The following STK4 variants were observed in gnomAD, a reference collection of about 807,000 sequenced individuals.
STK4 encodes serine/threonine-protein kinase 4.
STK4 carries 30 observed loss-of-function variants against 64.9 expected under a neutral mutation model. That is an observed-to-expected ratio of 0.46 (90% CI 0.35 to 0.63). STK4 has a LOEUF of 0.63. STK4 is among the 20% of genes least tolerant of loss of function. The pLI is 0.01. For synonymous variants in STK4, 177 were observed against 199.0 expected, an observed-to-expected ratio of 0.89 and a Z score of 0.93; for missense variants, 466 against 598.5, an observed-to-expected ratio of 0.78 and a Z score of 2.31.
At chr20:45,063,331 C>G (rs1056504498) in intron 10 of STK4, among the ~76,000 whole-genome samples, 2 of 152,046 alleles carry the variant, frequency 1.3e-5, no homozygotes, top group African/African-American at 4.8e-5. Flanking sequence ...TTGCATTTCT[C>G]TAATGATTAA....
At chr20:44,983,874 A>G (rs1172376669) in intron 4 of STK4, among the ~76,000 whole-genome samples, 1 of 152,192 alleles carries the variant, frequency 6.6e-6, no homozygotes, top group Non-Finnish European at 1.5e-5. Flanking sequence ...TTATTCATAT[A>G]CTATCTTCTT....
At chr20:45,008,611 C>G (rs2067992226) in intron 9 of STK4, among the ~76,000 whole-genome samples, 1 of 152,158 alleles carries the variant, frequency 6.6e-6, no homozygotes, top group African/African-American at 2.4e-5. Context: ...AATTAGCAAA[C>G]TGCTTTTTAC....
At chr20:45,065,499 A>G (rs1010127066) in intron 10 of STK4, among the ~76,000 whole-genome samples, 16 of 152,156 alleles carry the variant, frequency 1.1e-4, no homozygotes, top group African/African-American at 3.9e-4. Flanking sequence ...TGGACACCTC[A>G]TAGAATAGGT....
intron 2 of STK4, among the ~76,000 whole-genome samples, chr20:44,977,195 G>T (rs1161587533): frequency 2.6e-5 from 4 of 152,184 alleles, no homozygotes; most frequent in African/African-American, 9.7e-5. Context: ...AAAGTATTTG[G>T]TGTAATATTT....
intron 10 of STK4, among the ~76,000 whole-genome samples, chr20:45,055,698 CT>C (rs1034616765): frequency 4.0e-5 from 6 of 150,300 alleles, no homozygotes; most frequent in African/African-American, 1.5e-4. Context: ...TTTTAATTAT[CT>C]TTCTTTTCTT....
chr20:45,011,050 G>A (rs1259138911), intron 9 of STK4, among the ~76,000 whole-genome samples: 2 of 152,158 alleles, frequency 1.3e-5, no homozygotes, highest in Middle Eastern at 3.2e-3. Flanking sequence ...CATGGTCCAC[G>A]TTACTTGGAA....
chr20:45,045,412 A>C (rs1312950510), intron 10 of STK4, among the ~76,000 whole-genome samples: 1 of 152,196 alleles, frequency 6.6e-6, no homozygotes, highest in African/African-American at 2.4e-5. Context: ...GCGTTAATTC[A>C]TAAGTGTGTG....
chr20:45,072,202 AAC>A (rs1337205155), intron 10 of STK4, among the ~76,000 whole-genome samples: 1 of 152,210 alleles, frequency 6.6e-6, no homozygotes, highest in Non-Finnish European at 1.5e-5. Context: ...TACACTGAGA[AAC>A]ATTGAGTCTG....
At chr20:44,969,092 T>C (rs1481694960) in intron 1 of STK4, among the ~76,000 whole-genome samples, 1 of 152,186 alleles carries the variant, frequency 6.6e-6, no homozygotes, top group African/African-American at 2.4e-5. Flanking sequence ...CCAGTCATAC[T>C]GGATTAGGGC....
chr20:45,064,994 G>A (rs1472436445), intron 10 of STK4, among the ~76,000 whole-genome samples: 2 of 152,166 alleles, frequency 1.3e-5, no homozygotes, highest in Non-Finnish European at 2.9e-5. Context: ...TTGAATAGGA[G>A]TGGTGAGAAA....
chr20:44,979,568 G>C (rs950551138), intron 3 of STK4, among the ~76,000 whole-genome samples: 3 of 152,156 alleles, frequency 2.0e-5, no homozygotes, highest in Non-Finnish European at 4.4e-5. Context: ...GCTCTAGGGA[G>C]CTGAAGATGG....
intron 10 of STK4, among the ~76,000 whole-genome samples, chr20:45,027,322 C>T (rs749490908): frequency 2.8e-4 from 42 of 150,004 alleles, no homozygotes; most frequent in Non-Finnish European, 5.8e-4. Context: ...CCCAGCTACT[C>T]GGGAGGCTGA....
intron 10 of STK4, among the ~76,000 whole-genome samples, chr20:45,060,702 C>T (rs772523960): frequency 6.6e-5 from 10 of 152,154 alleles, no homozygotes; most frequent in Non-Finnish European, 1.3e-4. Flanking sequence ...GAGGATTACT[C>T]GAGATAATGC....
chr20:44,991,986 A>G (rs1047123765), intron 5 of STK4, among the ~76,000 whole-genome samples: 2 of 152,076 alleles, frequency 1.3e-5, no homozygotes, highest in Non-Finnish European at 2.9e-5. Context: ...TTTTAAATAA[A>G]TCTTATTAAA....
Position 44,972,213 on chromosome 20 carries a change from C to G in STK4, c.116+55C>G. 5 of 1,443,958 alleles carry G rather than the reference C, an allele frequency of 3.5e-6. No individual in the cohort carries two copies. The South Asian group carries it at 5.9e-5, about 17-fold the overall frequency. 89.4% of individuals were successfully genotyped at this position (1,443,958 alleles called of 1,614,324 possible). On this transcript the variant is annotated intron_variant, in intron 2 of 10. Transcript: ENST00000372806. ...TTGGGTCCCAGTCTTTTTCCTGCCC[C>G]AGAAGAAGCAGAAGGATATGAACCT...
At chr20:45,017,816 A>G (rs1031839727) in intron 9 of STK4, among the ~76,000 whole-genome samples, 3 of 152,162 alleles carry the variant, frequency 2.0e-5, no homozygotes, top group African/African-American at 4.8e-5. Flanking sequence ...CTTTGAATTT[A>G]TATATTTCAG....
chr20:44,979,968 A>G (rs1341218060), intron 3 of STK4, among the ~76,000 whole-genome samples: 1 of 152,194 alleles, frequency 6.6e-6, no homozygotes, highest in African/African-American at 2.4e-5. Context: ...CAAACAGAGT[A>G]TGGAAATGTC....
chr20:45,062,804 A>G (rs1979164083), intron 10 of STK4, among the ~76,000 whole-genome samples: 1 of 149,390 alleles, frequency 6.7e-6, no homozygotes, highest in South Asian at 2.1e-4. Context: ...CAGCCTCCCA[A>G]GTAGCTGGGA....
rs1980782112 is a variant in STK4 at position 45,079,988 on chromosome 20, A to G, written c.*4812A>G. On this transcript the variant is annotated 3_prime_UTR_variant, in exon 11 of 11. Transcript: ENST00000372806. The stretch of plus-strand genomic sequence containing the variant: ...ACGAGAACCTCAATATATAGCCTGG[A>G]TAATGGTGTTGTGAACAATCTTTGT... 6.6e-6 allele frequency: 1 copy of G among 152,226 alleles called. No individual in the cohort carries two copies. The highest frequency in any genetic ancestry group is 1.5e-5 in the Non-Finnish European group (1 of 68,046). 9.4% of individuals were successfully genotyped at this position (152,226 alleles called of 1,614,324 possible). A position where few individuals can be genotyped will look rare whatever the true frequency, so the allele number is the denominator to read the frequency against.
Sources: allele counts gnomAD v4.1 joint callset (sites outside exome capture counted in the v4.1 genomes callset), GRCh38; gene constraint gnomAD v4.1.1; transcripts MANE v1.5; gene names NCBI Gene and HGNC (gene_info 2026-07-23, HGNC 2026-07-21).